Variants in NAALADL2 observed in about 807,000 individuals in gnomAD.
The protein encoded by NAALADL2 is N-acetylated alpha-linked acidic dipeptidase like 2.
NAALADL2 carries 76 observed loss-of-function variants against 87.2 expected under a neutral mutation model. That is an observed-to-expected ratio of 0.87 (90% CI 0.72 to 1.05). NAALADL2 has a LOEUF of 1.05. Ranked by LOEUF, NAALADL2 falls within the 50% of genes least tolerant of loss-of-function variation. The pLI, the probability that NAALADL2 is intolerant of heterozygous loss-of-function variation, is 0.00. For missense variants in NAALADL2, 1,089 were observed against 945.8 expected (o/e 1.15, Z -1.99); for synonymous variants, 354 against 331.0 (o/e 1.07, Z -0.75).
At chr3:175,511,713 T>C (rs1294213601) in intron 9 of NAALADL2, among the ~76,000 whole-genome samples, 2 of 152,190 alleles carry the variant, frequency 1.3e-5, no homozygotes, top group Non-Finnish European at 2.9e-5. Context: ...TTTAGTGACT[T>C]GCACCAGATC....
At chr3:174,732,645 T>C (rs1319875399) in intron 2 of NAALADL2, among the ~76,000 whole-genome samples, 3 of 152,134 alleles carry the variant, frequency 2.0e-5, no homozygotes, top group Non-Finnish European at 4.4e-5. Context: ...GCTTAACTTA[T>C]GGTGGGTTTT....
At position 175,234,011 on chromosome 3, in the gene NAALADL2, T is replaced by C; in HGVS notation, c.626T>C (p.Leu209Pro). ...KIKTQWTSLG[L>P]EDVQFVNYSV... ...AAGACTCAGTGGACCTCTTTGGGCC[T>C]AGAAGATGTACAGTTTGTAAATTAC... Residue 209 changes from leucine (L) to proline (P), a missense_variant, in exon 3 of 14, where the codon CTA becomes CCA. Leu to Pro is a moderately conservative substitution (Grantham distance 98). Coordinates refer to ENST00000454872, the MANE Select transcript of NAALADL2 (RefSeq NM_207015.3). The C allele has an allele frequency of 6.2e-7, 1 of 1,613,664 alleles. No individual in the cohort carries two copies. Among genetic ancestry groups the C allele is most frequent in the Non-Finnish European group, 8.5e-7 (1 of 1,179,628 alleles).
chr3:175,736,127 T>C (rs1350079752), intron 11 of NAALADL2, among the ~76,000 whole-genome samples: 1 of 152,090 alleles, frequency 6.6e-6, no homozygotes, highest in Non-Finnish European at 1.5e-5. Flanking sequence ...CTAAGGTCCT[T>C]TGAGATGTGT....
intron 2 of NAALADL2, among the ~76,000 whole-genome samples, chr3:174,629,210 A>G (rs954099141): frequency 3.9e-5 from 6 of 152,192 alleles, no homozygotes; most frequent in African/African-American, 1.4e-4. Context: ...TTGTGTAGAA[A>G]GAAATACTAG....
At chr3:175,590,451 T>G (rs1393495326) in intron 10 of NAALADL2, among the ~76,000 whole-genome samples, 3 of 151,264 alleles carry the variant, frequency 2.0e-5, no homozygotes, top group Non-Finnish European at 4.4e-5. Context: ...AGAAATAATA[T>G]GGTATAGAGG....
intron 2 of NAALADL2, among the ~76,000 whole-genome samples, chr3:174,558,538 A>G (rs933145853): frequency 6.6e-6 from 1 of 152,062 alleles, no homozygotes; most frequent in Non-Finnish European, 1.5e-5. Flanking sequence ...CTAGATTCTC[A>G]TGAAGGGCAC....
chr3:175,589,431 C>T (rs1721043139), intron 10 of NAALADL2, among the ~76,000 whole-genome samples: 1 of 151,868 alleles, frequency 6.6e-6, no homozygotes, highest in African/African-American at 2.4e-5. Context: ...TTCTTTCCTT[C>T]TCTCCTTTCC....
chr3:175,178,980 A>G (rs1178824656), intron 2 of NAALADL2, among the ~76,000 whole-genome samples: 1 of 152,026 alleles, frequency 6.6e-6, no homozygotes, highest in Non-Finnish European at 1.5e-5. Context: ...GTGAATTCTT[A>G]CAGACACTCT....
chr3:174,606,608 G>A (rs553959423), intron 2 of NAALADL2, among the ~76,000 whole-genome samples: 7 of 152,226 alleles, frequency 4.6e-5, no homozygotes, highest in African/African-American at 7.2e-5. Context: ...AGCAAGAAGG[G>A]AAGTTTAGAG....
chr3:175,311,323 G>C (rs1315419333), intron 4 of NAALADL2, among the ~76,000 whole-genome samples: 2 of 150,344 alleles, frequency 1.3e-5, no homozygotes, highest in Non-Finnish European at 2.9e-5. Flanking sequence ...AATCTATAAA[G>C]TCACATTATT....
intron 1 of NAALADL2, among the ~76,000 whole-genome samples, chr3:174,949,683 A>C (rs574800578): frequency 6.6e-6 from 1 of 152,338 alleles, no homozygotes; most frequent in East Asian, 1.9e-4. Context: ...ATGTTAGTAT[A>C]ATCTTACAAT....
chr3:175,086,048 G>A (rs73037233), intron 1 of NAALADL2, among the ~76,000 whole-genome samples: 4,850 of 152,210 alleles, frequency 0.032, 174 homozygotes, highest in African/African-American at 0.085. Context: ...AGAGTCTTTC[G>A]TTTTTCATAG....
intron 2 of NAALADL2, among the ~76,000 whole-genome samples, chr3:174,572,906 TA>T (rs1271628788): frequency 6.6e-6 from 1 of 152,144 alleles, no homozygotes; most frequent in Non-Finnish European, 1.5e-5. Context: ...CTCTATGAGG[TA>T]GGTAATGGTA....
At chr3:174,791,033 C>T (rs116311991) in intron 3 of NAALADL2, among the ~76,000 whole-genome samples, 245 of 152,198 alleles carry the variant, frequency 1.6e-3, no homozygotes, top group Admixed American at 6.0e-3. Flanking sequence ...AAAAGGAAAG[C>T]GTGGTGAAAC....
chr3:175,192,498 T>C (rs890981914), intron 2 of NAALADL2, among the ~76,000 whole-genome samples: 4 of 152,074 alleles, frequency 2.6e-5, no homozygotes, highest in African/African-American at 7.2e-5. Context: ...AATGTATTTG[T>C]GTTGTCATTT....
In NAALADL2 at chr3:175,512,339, A is replaced by C. The variant is rs1582197836; in HGVS notation, c.1653+40581A>C. On this transcript the variant is annotated intron_variant, in intron 9 of 13. Transcript: ENST00000454872. The stretch of plus-strand genomic sequence containing the variant: ...TGTTAAATGTGAATGATCCTGGATC[A>C]AGTCTGCAGAGGCTGTATCATGGTC... Among the ~76,000 whole-genome samples the C allele has an allele frequency of 2.0e-5, 3 of 152,330 alleles. 1 individual carries two copies. In the Middle Eastern group the frequency reaches 0.01, roughly 518 times the overall value.
At chr3:175,576,013 T>G in intron 9 of NAALADL2, 28 bp from the exon 10 acceptor site, 1 of 1,591,252 alleles carries the variant, frequency 6.3e-7, no homozygotes, top group Non-Finnish European at 8.6e-7. Flanking sequence ...GCATAGTATG[T>G]GTTAACAATT....
chr3:175,744,807 G>T (rs566496431), intron 12 of NAALADL2, among the ~76,000 whole-genome samples: 14 of 152,158 alleles, frequency 9.2e-5, no homozygotes, highest in African/African-American at 1.4e-4. Flanking sequence ...TAGCTACAAT[G>T]CTAGATAAGT....
intron 2 of NAALADL2, among the ~76,000 whole-genome samples, chr3:175,145,993 T>C (rs1347284840): frequency 2.0e-5 from 3 of 152,092 alleles, no homozygotes; most frequent in Admixed American, 6.6e-5. Context: ...AGCACACAAA[T>C]TAGATTAATG....
Sources: allele counts gnomAD v4.1 joint callset (sites outside exome capture counted in the v4.1 genomes callset), GRCh38; gene constraint gnomAD v4.1.1; transcripts MANE v1.5; gene names NCBI Gene and HGNC (gene_info 2026-07-23, HGNC 2026-07-21).